SLC4A8: variants seen among roughly 807,000 people sequenced by gnomAD.
SLC4A8 encodes the protein solute carrier family 4 member 8, also known as electroneutral sodium bicarbonate exchanger 1.
SLC4A8 carries 40 observed loss-of-function variants against 125.0 expected under a neutral mutation model. That is an observed-to-expected ratio of 0.32 (90% CI 0.25 to 0.42). The LOEUF (loss-of-function observed/expected upper bound fraction) is 0.42. SLC4A8 is among the 10% of genes least tolerant of loss of function. The pLI is 1.00. For synonymous variants in SLC4A8, 456 were observed against 476.0 expected, an observed-to-expected ratio of 0.96 and a Z score of 0.55; for missense variants, 863 against 1,355.1, an observed-to-expected ratio of 0.64 and a Z score of 5.70.
chr12:51,431,718 TTC>T (rs1337462765), intron 1 of SLC4A8, among the ~76,000 whole-genome samples: 1 of 152,114 alleles, frequency 6.6e-6, no homozygotes, highest in African/African-American at 2.4e-5. Context: ...AGGGCCAGCA[TTC>T]TGAGGCTCTG....
At chr12:51,435,433 T>C (rs1949372676) in intron 1 of SLC4A8, among the ~76,000 whole-genome samples, 1 of 152,164 alleles carries the variant, frequency 6.6e-6, no homozygotes, top group South Asian at 2.1e-4. Context: ...AGTGTTATCC[T>C]CCAAATGTGA....
At chr12:51,480,418 A>C in intron 16 of SLC4A8, 1 of 1,118,984 alleles carries the variant, frequency 8.9e-7, no homozygotes, top group Non-Finnish European at 1.1e-6. Flanking sequence ...GTGAGTGAAA[A>C]GTGGAATAAT....
intron 1 of SLC4A8, among the ~76,000 whole-genome samples, chr12:51,397,005 C>T (rs1592134902): frequency 7.0e-6 from 1 of 142,584 alleles, no homozygotes; most frequent in South Asian, 2.2e-4. Context: ...TCTCAGCTCA[C>T]TGCAACCTCC....
intron 23 of SLC4A8, among the ~76,000 whole-genome samples, chr12:51,504,918 A>G (rs1938099841): frequency 6.6e-6 from 1 of 152,196 alleles, no homozygotes; most frequent in African/African-American, 2.4e-5. Flanking sequence ...GTGTACCTCT[A>G]GGTACCATAA....
At position 51,467,832 on chromosome 12, in the gene SLC4A8, C is replaced by T. The variant is rs189906709; in HGVS notation, c.1350-1782C>T. 2.0e-5 allele frequency among the ~76,000 whole-genome samples: 3 copies of T among 152,014 alleles called. No homozygotes were observed. In the South Asian group the frequency reaches 6.3e-4, roughly 32 times the overall value. ...ACCAAATCACCGACATACATTTTAC[C>T]TGTAAATACTTCAGTATGCATCTCT... On this transcript the variant is annotated intron_variant, in intron 11 of 24. Coordinates refer to ENST00000453097, the MANE Select transcript of SLC4A8 (RefSeq NM_001039960.3).
Position 51,462,399 on chromosome 12 carries a change from T to A in SLC4A8, c.1191T>A (p.Pro397=). 1 of 1,607,662 alleles carries A rather than the reference T, an allele frequency of 6.2e-7. No homozygotes were observed. Among genetic ancestry groups the A allele is most frequent in the Non-Finnish European group, 8.5e-7 (1 of 1,178,062 alleles). Residue 397 remains proline, a synonymous_variant, in exon 10 of 25, where the codon CCT becomes CCA. Coordinates refer to ENST00000453097, the MANE Select transcript of SLC4A8 (RefSeq NM_001039960.3). ...DEFLDQVTVL[P]PGEWDPSIRI... ...TCCTAGACCAGGTGACGGTGCTCCC[T>A]CCAGGAGAGTGGGATCCCTCCATTA...
intron 22 of SLC4A8, among the ~76,000 whole-genome samples, chr12:51,502,878 G>A (rs868082079): frequency 1.5e-5 from 2 of 131,492 alleles, no homozygotes; most frequent in South Asian, 2.4e-4. Flanking sequence ...TCGCTCTGTC[G>A]TCACCCAGGC....
chr12:51,494,598 C>T (rs1370499638), intron 20 of SLC4A8: 1 of 167,952 alleles, frequency 6.0e-6, no homozygotes, highest in Non-Finnish European at 1.3e-5. Flanking sequence ...GCTCCAAACT[C>T]CTAAAACAAG....
intron 11 of SLC4A8, chr12:51,466,515 A>G (rs926400031): frequency 7.0e-6 from 1 of 142,236 alleles, no homozygotes; most frequent in Non-Finnish European, 1.6e-5. Context: ...CTACGCGGGT[A>G]AGTCCTCTCT....
chr12:51,423,897 G>A (rs574803882), upstream of SLC4A8, among the ~76,000 whole-genome samples: 6 of 151,930 alleles, frequency 3.9e-5, no homozygotes, highest in South Asian at 4.2e-4. Context: ...TCAGCCGGGC[G>A]TGGTGGTGGG....
chr12:51,417,079 G>A (rs1461873911), intron 1 of SLC4A8, among the ~76,000 whole-genome samples: 3 of 151,722 alleles, frequency 2.0e-5, no homozygotes, highest in Admixed American at 6.6e-5. Flanking sequence ...CAACTTGGAC[G>A]ACAGAGTGAG....
chr12:51,424,208 A>G (rs7304715), upstream of SLC4A8, among the ~76,000 whole-genome samples: 140,902 of 152,114 alleles, frequency 0.93, 65,319 homozygotes, highest in Non-Finnish European at 0.95. Context: ...CCTTGTGTTA[A>G]GTCAGTAGTT....
chr12:51,458,138 C>G (rs1158718059), intron 6 of SLC4A8, among the ~76,000 whole-genome samples: 1 of 152,222 alleles, frequency 6.6e-6, no homozygotes, highest in Non-Finnish European at 1.5e-5. Flanking sequence ...ATTTTGGCTA[C>G]TGATTGGTTC....
chr12:51,447,467 C>T (rs1163646200), intron 2 of SLC4A8, among the ~76,000 whole-genome samples: 2 of 152,084 alleles, frequency 1.3e-5, no homozygotes, highest in African/African-American at 2.4e-5. Context: ...AAGGAAGATG[C>T]ATCTGCAGTG....
intron 1 of SLC4A8, 21 bp downstream of exon 1, chr12:51,425,056 C>T (rs1209230337): frequency 1.3e-6 from 2 of 1,545,344 alleles, no homozygotes; most frequent in Non-Finnish European, 1.7e-6. Context: ...GCCTCCCGCG[C>T]CTCCCGCTCC....
At position 51,454,083 on chromosome 12, in the gene SLC4A8, G is replaced by C. The variant is rs1018821088; in HGVS notation, c.574+384G>C. On this transcript the variant is annotated intron_variant, in intron 5 of 24. Transcript: ENST00000453097. ...ATGCCAAGGTGGGTGGATAACTTGA[G>C]CTCAGGAGTTCCAGGCCAGCCTGGT... 2.0e-5 allele frequency among the ~76,000 whole-genome samples: 3 copies of C among 152,332 alleles called. No homozygotes were observed. In the East Asian group the frequency reaches 5.8e-4, roughly 29 times the overall value.
intron 2 of SLC4A8, among the ~76,000 whole-genome samples, chr12:51,444,422 A>G (rs189812548): frequency 6.6e-6 from 1 of 152,240 alleles, no homozygotes; most frequent in Admixed American, 6.5e-5. Flanking sequence ...TGTCTCTCTG[A>G]TATTTTCAAA....
chr12:51,431,933 A>G (rs890600827), intron 1 of SLC4A8, among the ~76,000 whole-genome samples: 3 of 152,168 alleles, frequency 2.0e-5, no homozygotes, highest in African/African-American at 4.8e-5. Flanking sequence ...GCTTTTGGCA[A>G]TCTTAGCATA....
At position 51,493,757 on chromosome 12, in the gene SLC4A8, A is replaced by G; in HGVS notation, c.2754A>G (p.Ser918=). The change falls in exon 20 of 25, where the codon TCA becomes TCG. Residue 918 remains serine (S), a synonymous_variant. Coordinates refer to ENST00000453097, the MANE Select transcript of SLC4A8 (RefSeq NM_001039960.3). ...TTTTCCTTTACATGGGAGTTTCTTC[A>G]CTACAGGGAATTCAGGTATTGTATG... ...YGVFLYMGVS[S]LQGIQFFDRL... 10 of 1,603,362 alleles carry G rather than the reference A, an allele frequency of 6.2e-6. No homozygotes were observed. Among genetic ancestry groups the G allele is most frequent in the Non-Finnish European group, 7.7e-6 (9 of 1,170,212 alleles).
Sources: gnomAD v4.1 joint callset for allele counts (sites outside exome capture counted in the v4.1 genomes callset) on GRCh38, gnomAD v4.1.1 for gene constraint, MANE v1.5 for transcripts, NCBI Gene and HGNC (gene_info 2026-07-23, HGNC 2026-07-21) for gene names.